The following RRM2 variants were observed in gnomAD, a reference collection of about 807,000 sequenced individuals.
The protein encoded by RRM2 is ribonucleotide reductase regulatory subunit M2, also known as ribonucleoside-diphosphate reductase subunit M2.
RRM2 carries 6 observed loss-of-function variants against 45.9 expected under a neutral mutation model. That is an observed-to-expected ratio of 0.13 (90% CI 0.07 to 0.26). The LOEUF is 0.26. RRM2 is among the 10% of genes least tolerant of loss of function. RRM2 has a pLI of 1.00. For synonymous variants in RRM2, 177 were observed against 173.0 expected (o/e 1.02, Z -0.18); for missense variants, 343 against 489.5 (o/e 0.70, Z 2.82).
At chr2:10,166,125 C>G (rs990173828) in intron 3 of RRM2, among the ~76,000 whole-genome samples, 1 of 152,164 alleles carries the variant, frequency 6.6e-6, no homozygotes, top group Non-Finnish European at 1.5e-5. Flanking sequence ...TGGAGGACAC[C>G]GTTCCATCTT....
intron 3 of RRM2, among the ~76,000 whole-genome samples, chr2:10,158,477 A>G (rs1428042871): frequency 6.6e-6 from 1 of 151,774 alleles, no homozygotes; most frequent in Non-Finnish European, 1.5e-5. Context: ...ATGTCTTTCC[A>G]TCTGAGGCAC....
At chr2:10,136,039 A>G (rs996975792), downstream of RRM2, among the ~76,000 whole-genome samples, 5 of 152,042 alleles carry the variant, frequency 3.3e-5, no homozygotes, top group African/African-American at 9.7e-5. Flanking sequence ...GAGAATCTCC[A>G]TGGCTCTACT....
chr2:10,187,225 T>A (rs1246924284), intron 3 of RRM2, among the ~76,000 whole-genome samples: 3 of 152,084 alleles, frequency 2.0e-5, no homozygotes, highest in Admixed American at 6.5e-5. Flanking sequence ...AGCAGAAGGG[T>A]CCCGCAGGAA....
intron 3 of RRM2, among the ~76,000 whole-genome samples, chr2:10,179,625 T>G (rs6722368): frequency 0.86 from 130,611 of 152,148 alleles, 56,186 homozygotes; most frequent in East Asian, 1. Flanking sequence ...ACTCACAACA[T>G]GGTTACTTCC....
intron 3 of RRM2, chr2:10,145,848 A>G (rs1473655054): frequency 6.6e-6 from 1 of 152,204 alleles, no homozygotes; most frequent in African/African-American, 2.4e-5. Context: ...TAGAAATTAC[A>G]TCTCTGGGAC....
At chr2:10,143,524 A>T (rs1260524519) in intron 3 of RRM2, among the ~76,000 whole-genome samples, 2 of 152,198 alleles carry the variant, frequency 1.3e-5, no homozygotes, top group Non-Finnish European at 2.9e-5. Flanking sequence ...GTGTTGTTGA[A>T]TGAATGAGCG....
At chr2:10,161,495 G>A (rs1318624052) in intron 3 of RRM2, among the ~76,000 whole-genome samples, 1 of 152,172 alleles carries the variant, frequency 6.6e-6, no homozygotes, top group Non-Finnish European at 1.5e-5. Flanking sequence ...GTGGCAACCT[G>A]GACCAGGGAT....
At chr2:10,176,421 A>C in intron 3 of RRM2, among the ~76,000 whole-genome samples, 1 of 152,162 alleles carries the variant, frequency 6.6e-6, no homozygotes. Flanking sequence ...GACATACGCC[A>C]CCATGCCCGG....
intron 3 of RRM2, among the ~76,000 whole-genome samples, chr2:10,143,758 C>T (rs1663134740): frequency 6.6e-6 from 1 of 152,172 alleles, no homozygotes; most frequent in African/African-American, 2.4e-5. Context: ...ACCTCCGCCT[C>T]CTGGGTTCAA....
chr2:10,122,888 G>A lies in RRM2; in HGVS notation c.90G>A (p.Lys30=), dbSNP rs753051349. The change falls in exon 1 of 10, where the codon AAG becomes AAA. Residue 30 remains lysine (K), a synonymous_variant. Transcript: ENST00000304567. ...SPLKGLSLVD[K]ENTPPALSGT... is the part of the protein sequence containing the mutation. ...TGAAGGGGCTCAGCTTGGTCGACAA[G>A]GAGAACACGGTGAGCCCGCGGGGAG... The A allele has an allele frequency of 1.9e-6, 3 of 1,591,722 alleles. No individual in the cohort carries two copies. The highest frequency in any genetic ancestry group is 1.1e-5 in the South Asian group (1 of 87,982).
chr2:10,149,129 A>ATT (rs771941572), intron 3 of RRM2, among the ~76,000 whole-genome samples: 9 of 122,470 alleles, frequency 7.3e-5, no homozygotes, highest in Admixed American at 1.6e-4. Context: ...TGCTGTATTC[A>ATT]TTTTTTTTTT....
intron 3 of RRM2, among the ~76,000 whole-genome samples, chr2:10,177,189 T>C (rs1406092231): frequency 6.6e-6 from 1 of 152,024 alleles, no homozygotes; most frequent in African/African-American, 2.4e-5. Context: ...AAGGTTGCGG[T>C]GAACCAAGAT....
At chr2:10,134,445 A>AT (rs1662957468), downstream of RRM2, among the ~76,000 whole-genome samples, 1 of 152,148 alleles carries the variant, frequency 6.6e-6, no homozygotes, top group African/African-American at 2.4e-5. Context: ...CAAAAATCCC[A>AT]TTGGCACAGT....
chr2:10,168,545 T>C (rs72786699), intron 3 of RRM2, among the ~76,000 whole-genome samples: 37,135 of 152,042 alleles, frequency 0.24, 5,533 homozygotes, highest in Non-Finnish European at 0.34. Flanking sequence ...TCTTTCTGGA[T>C]CTGTTGAATC....
intron 3 of RRM2, among the ~76,000 whole-genome samples, chr2:10,186,445 G>A (rs990540777): frequency 1.3e-5 from 2 of 151,786 alleles, no homozygotes; most frequent in African/African-American, 4.8e-5. Context: ...GTGAGCCACC[G>A]TGCCCGGCCA....
At chr2:10,132,998 C>T (rs1339273004), downstream of RRM2, among the ~76,000 whole-genome samples, 1 of 151,922 alleles carries the variant, frequency 6.6e-6, no homozygotes, top group Non-Finnish European at 1.5e-5. Flanking sequence ...CCTCCCCGGC[C>T]TCACCCCCAG....
At chr2:10,124,586 G>T in intron 4 of RRM2, 131 bp from the exon 5 acceptor site, 1 of 982,780 alleles carries the variant, frequency 1.0e-6, no homozygotes, top group South Asian at 1.6e-5. Flanking sequence ...AAAGAATTGT[G>T]ACAAATTGGA....
chr2:10,179,781 A>G (rs988271881), intron 3 of RRM2, among the ~76,000 whole-genome samples: 2 of 152,202 alleles, frequency 1.3e-5, no homozygotes, highest in Admixed American at 6.5e-5. Flanking sequence ...GAGTTGAACC[A>G]TCATAAGCCA....
intron 3 of RRM2, among the ~76,000 whole-genome samples, chr2:10,190,854 G>T (rs562111460): frequency 2.6e-5 from 4 of 151,956 alleles, no homozygotes; most frequent in African/African-American, 9.7e-5. Context: ...GGCAGAGATG[G>T]TTACAATGCT....
Sources: allele counts gnomAD v4.1 joint callset (sites outside exome capture counted in the v4.1 genomes callset), GRCh38; gene constraint gnomAD v4.1.1; transcripts MANE v1.5; gene names NCBI Gene and HGNC (gene_info 2026-07-23, HGNC 2026-07-21).